The following CABIN1 variants were observed in gnomAD, a reference collection of about 807,000 sequenced individuals.
The protein encoded by CABIN1 is calcineurin binding protein 1.
Under a neutral mutation model 227.7 loss-of-function variants are expected in CABIN1, and 133 were observed. The observed-to-expected ratio is 0.58, with a 90% confidence interval of 0.51 to 0.67. CABIN1 has a LOEUF of 0.67. CABIN1 is among the 30% of genes least tolerant of loss of function. The probability of loss-of-function intolerance (pLI) is 0.00; values close to 1 mark genes in which losing one functional copy is unlikely to be tolerated. For missense variants in CABIN1, 2,408 were observed against 2,852.5 expected, an observed-to-expected ratio of 0.84 and a Z score of 3.55; for synonymous variants, 1,086 against 1,155.1, an observed-to-expected ratio of 0.94 and a Z score of 1.21.
rs567288244 is a variant in CABIN1, at chr22:24,092,750, A to AAGT, written c.3786+908_3786+910dup. On this transcript the variant is annotated intron_variant, in intron 24 of 36. Transcript: ENST00000263119. The stretch of plus-strand genomic sequence containing the variant: ...TTTTAAAGAGATTCAAACAACTCAG[A>AAGT]AGTGTACAGTGTGAATGTGAAGGCC... Among the ~76,000 whole-genome samples, 13 of 151,382 alleles carry AAGT rather than the reference A, an allele frequency of 8.6e-5. 1 individual carries two copies. In the South Asian group the frequency reaches 2.5e-3, roughly 29 times the overall value.
Position 24,113,672 on chromosome 22 carries a change from A to G in CABIN1, c.4224A>G (p.Thr1408=). The G allele has an allele frequency of 1.2e-6, 2 of 1,614,138 alleles. No homozygotes were observed. Among genetic ancestry groups the G allele is most frequent in the Non-Finnish European group, 1.7e-6 (2 of 1,180,026 alleles). Residue 1408 remains threonine (T), a synonymous_variant, in exon 27 of 37, where the codon ACA becomes ACG. Coordinates refer to ENST00000263119, the MANE Select transcript of CABIN1 (RefSeq NM_012295.4). The part of the protein sequence containing the change: ...SLLEGSRKSY[T]EKRLPILSSQ... ...TGGAAGGCTCCAGGAAATCCTACAC[A>G]GAGAAGAGGCTGCCCATTCTCAGTT...
chr22:24,120,901 G>A (rs1340445357), intron 28 of CABIN1, among the ~76,000 whole-genome samples: 1 of 152,244 alleles, frequency 6.6e-6, no homozygotes, highest in African/African-American at 2.4e-5. Flanking sequence ...ATAACGGGGG[G>A]CATAGAGGGG....
Position 24,167,160 on chromosome 22 carries a change from C to T in CABIN1, c.5529C>T (p.Leu1843=), listed in dbSNP as rs760463631. 1.4e-5 allele frequency: 22 copies of T among 1,607,586 alleles called. No homozygotes were observed. Among genetic ancestry groups the T allele is most frequent in the African/African-American group, 2.7e-5 (2 of 74,924 alleles). Residue 1843 remains leucine, a synonymous_variant, in exon 32 of 37, where the codon CTC becomes CTT. Coordinates refer to ENST00000263119, the MANE Select transcript of CABIN1 (RefSeq NM_012295.4). The stretch of plus-strand genomic sequence containing the variant: ...ACCCGGAGGAGCCGCTCTCCCGGCT[C>T]AGCCGCAAGAGGAAGCTCCTGGAGG... ...GGHPEEPLSR[L]SRKRKLLEDT...
chr22:24,071,888 C>T (rs758707255), intron 17 of CABIN1, among the ~76,000 whole-genome samples: 11 of 152,126 alleles, frequency 7.2e-5, no homozygotes, highest in Non-Finnish European at 1.3e-4. Context: ...CACTCCTTGC[C>T]CTCCCTGGGT....
intron 1 of CABIN1, among the ~76,000 whole-genome samples, chr22:24,033,258 C>A (rs1351829711): frequency 6.6e-6 from 1 of 152,166 alleles, no homozygotes; most frequent in Non-Finnish European, 1.5e-5. Flanking sequence ...AACTCAGAGC[C>A]TATTGTGAAA....
chr22:24,120,878 T>C (rs1247211374), intron 28 of CABIN1, among the ~76,000 whole-genome samples: 1 of 152,086 alleles, frequency 6.6e-6, no homozygotes, highest in Non-Finnish European at 1.5e-5. Flanking sequence ...ATTTGAACAA[T>C]ACCACAGAGA....
At chr22:24,162,121 T>C (rs2046193184) in intron 29 of CABIN1, 1 of 152,292 alleles carries the variant, frequency 6.6e-6, no homozygotes, top group Non-Finnish European at 1.5e-5. Context: ...ACCACCCTGC[T>C]GGCTCGTGAC....
At chr22:24,074,659 G>A (rs546676431) in intron 18 of CABIN1, among the ~76,000 whole-genome samples, 2 of 152,208 alleles carry the variant, frequency 1.3e-5, no homozygotes, top group African/African-American at 4.8e-5. Context: ...TTATCACCCA[G>A]GAAAAATAAT....
At chr22:24,166,182 C>G (rs1038182753) in intron 31 of CABIN1, among the ~76,000 whole-genome samples, 5 of 152,218 alleles carry the variant, frequency 3.3e-5, no homozygotes, top group African/African-American at 9.6e-5. Context: ...CTTGCCAGCC[C>G]CCAACCCCAG....
At chr22:24,143,182 G>A (rs903326368) in intron 29 of CABIN1, among the ~76,000 whole-genome samples, 9 of 152,128 alleles carry the variant, frequency 5.9e-5, no homozygotes, top group Non-Finnish European at 1.2e-4. Context: ...AAGCCCATGC[G>A]TTGTGACTGG....
chr22:24,073,280 C>G (rs2040221670), intron 18 of CABIN1, among the ~76,000 whole-genome samples: 1 of 151,874 alleles, frequency 6.6e-6, no homozygotes, highest in African/African-American at 2.4e-5. Flanking sequence ...CTTGCATTTG[C>G]TGTCCAGACT....
chr22:24,035,258 G>T (rs954619681), intron 1 of CABIN1, among the ~76,000 whole-genome samples, 186 bp from the exon 2 acceptor site: 1 of 152,196 alleles, frequency 6.6e-6, no homozygotes, highest in Non-Finnish European at 1.5e-5. Flanking sequence ...GCCAGGAAAT[G>T]ATGAATGCTA....
At position 24,087,306 on chromosome 22, in the gene CABIN1, A is replaced by T. The variant is rs375593197; in HGVS notation, c.3264-146A>T. On this transcript the variant is annotated intron_variant, in intron 22 of 36. Coordinates refer to ENST00000263119, the MANE Select transcript of CABIN1 (RefSeq NM_012295.4). ...GACTGGTCTGGGTCATGGTCATGGC[A>T]TTAGTGAGTGGCAGAGTTGGGCTCT... is the stretch of plus-strand genomic sequence containing the variant. The T allele has an allele frequency of 3.5e-5, 34 of 982,710 alleles. 1 individual carries two copies. In the South Asian group the frequency reaches 4.9e-4, roughly 14 times the overall value. The allele number at this position is 982,710 out of a possible 1,614,324, so 60.9% of individuals were successfully genotyped here. A position where few individuals can be genotyped will look rare whatever the true frequency, so the allele number is the denominator to read the frequency against.
intron 5 of CABIN1, 69 bp downstream of exon 5, chr22:24,041,342 G>T: frequency 6.3e-7 from 1 of 1,596,812 alleles, no homozygotes; most frequent in Admixed American, 1.7e-5. Flanking sequence ...TGAGGTTGCG[G>T]TCTTGTGGGC....
At position 24,083,169 on chromosome 22, in the gene CABIN1, T is replaced by C. The variant is rs547611056; in HGVS notation, c.2749-59T>C. The C allele has an allele frequency of 2.0e-5, 32 of 1,561,498 alleles. No individual in the cohort carries two copies. The South Asian group carries it at 3.5e-4, about 17-fold the overall frequency. ...TGGTGGTTTCTCTGGGGCCCTGCTGTGACAGGGAGGCAGTGGCTACAGGCC... is the reference window on the plus strand; with the variant it reads ...TGGTGGTTTCTCTGGGGCCCTGCTGCGACAGGGAGGCAGTGGCTACAGGCC... On this transcript the variant is annotated intron_variant, in intron 19 of 36. Coordinates refer to ENST00000263119, the MANE Select transcript of CABIN1 (RefSeq NM_012295.4).
chr22:24,108,804 A>G (rs776405632), intron 26 of CABIN1, among the ~76,000 whole-genome samples: 2 of 152,282 alleles, frequency 1.3e-5, no homozygotes, highest in African/African-American at 4.8e-5. Context: ...TGTTGTGTCA[A>G]TGTTGCCCCC....
chr22:24,093,946 A>G (rs990317127), intron 24 of CABIN1, among the ~76,000 whole-genome samples: 1 of 152,172 alleles, frequency 6.6e-6, no homozygotes, highest in Non-Finnish European at 1.5e-5. Flanking sequence ...AAGTGTGGAA[A>G]CACAGCTTCC....
At chr22:24,131,961 G>A (rs1355725775) in intron 28 of CABIN1, among the ~76,000 whole-genome samples, 1 of 151,918 alleles carries the variant, frequency 6.6e-6, no homozygotes, top group African/African-American at 2.4e-5. Context: ...AGCTACTCAG[G>A]AGGCTGAAGC....
Position 24,096,121 on chromosome 22 carries a change from C to A in CABIN1, c.3938+39C>A, listed in dbSNP as rs752113578. The A allele has an allele frequency of 9.9e-6, 16 of 1,609,906 alleles. No individual in the cohort carries two copies. In the Admixed American group the frequency reaches 1.2e-4, roughly 12 times the overall value. On this transcript the variant is annotated intron_variant, in intron 25 of 36. Coordinates refer to ENST00000263119, the MANE Select transcript of CABIN1 (RefSeq NM_012295.4). Reference sequence around the variant, plus strand: ...TTCAGGCGACCCCTAGCAGCTTACCCCATCTGCATCCCAGATGGCTCGTTT... The same window carrying A: ...TTCAGGCGACCCCTAGCAGCTTACCACATCTGCATCCCAGATGGCTCGTTT...
Sources: gnomAD v4.1 joint callset for allele counts (sites outside exome capture counted in the v4.1 genomes callset) on GRCh38, gnomAD v4.1.1 for gene constraint, MANE v1.5 for transcripts, NCBI Gene and HGNC (gene_info 2026-07-23, HGNC 2026-07-21) for gene names.